SYT12: variants seen among roughly 807,000 people sequenced by gnomAD.
SYT12 encodes the protein synaptotagmin 12.
SYT12 carries 27 observed loss-of-function variants against 39.5 expected under a neutral mutation model. The observed-to-expected ratio is 0.68, with a 90% confidence interval of 0.50 to 0.94. The LOEUF is 0.94. SYT12 is among the 40% of genes least tolerant of loss of function. The pLI, the probability that SYT12 is intolerant of heterozygous loss-of-function variation, is 0.00. For synonymous variants in SYT12, 233 were observed against 239.7 expected, an observed-to-expected ratio of 0.97 and a Z score of 0.26; for missense variants, 536 against 572.6, an observed-to-expected ratio of 0.94 and a Z score of 0.65.
chr11:67,017,571 A>G (rs921389597), intron 3 of SYT12, among the ~76,000 whole-genome samples: 3 of 148,104 alleles, frequency 2.0e-5, no homozygotes, highest in Non-Finnish European at 4.5e-5. Context: ...ATTGTTGGCC[A>G]GGCTGGTCTC....
chr11:67,045,710 T>A, intron 6 of SYT12, 34 bp from the exon 7 acceptor site: 1 of 1,608,572 alleles, frequency 6.2e-7, no homozygotes, highest in South Asian at 1.1e-5. Context: ...TGAGTGAGTG[T>A]GACACTGGCC....
chr11:67,017,107 T>C (rs1329991808), intron 3 of SYT12, among the ~76,000 whole-genome samples: 1 of 152,174 alleles, frequency 6.6e-6, no homozygotes, highest in Non-Finnish European at 1.5e-5. Flanking sequence ...TGAGAACAGC[T>C]TCATCCCCAT....
intron 4 of SYT12, among the ~76,000 whole-genome samples, chr11:67,042,707 A>G (rs1950535415): frequency 6.6e-6 from 1 of 152,346 alleles, no homozygotes; most frequent in South Asian, 2.1e-4. Context: ...GAGCCAGATC[A>G]TGAAGAGCCT....
chr11:67,038,010 G>A (rs1282587340), intron 3 of SYT12, among the ~76,000 whole-genome samples: 2 of 147,078 alleles, frequency 1.4e-5, no homozygotes, highest in Admixed American at 1.4e-4. Flanking sequence ...AGCTGTGATC[G>A]CACTCCACCC....
chr11:67,027,157 C>G (rs932750888), intron 1 of SYT12: 1 of 152,540 alleles, frequency 6.6e-6, no homozygotes, highest in Admixed American at 6.6e-5. Flanking sequence ...GTTCTCTTCT[C>G]CCTCCACTCA....
At chr11:67,011,750 TTTGTTTG>T (rs1401482076) in intron 3 of SYT12, among the ~76,000 whole-genome samples, 2 of 151,914 alleles carry the variant, frequency 1.3e-5, no homozygotes, top group African/African-American at 4.8e-5. Context: ...GGTTTTGTTT[TTTGTTTG>T]TTGTTTGGTT....
chr11:67,043,513 C>A, intron 4 of SYT12, 125 bp from the exon 5 acceptor site: 1 of 855,776 alleles, frequency 1.2e-6, no homozygotes, highest in Non-Finnish European at 1.9e-6. Flanking sequence ...GAAAGATTGG[C>A]ATTGAGGGTG....
chr11:67,039,737 A>G, intron 3 of SYT12, 74 bp from the exon 4 acceptor site: 1 of 1,515,604 alleles, frequency 6.6e-7, no homozygotes, highest in Non-Finnish European at 8.8e-7. Context: ...GGCCTTACTC[A>G]TCTCTTTGCC....
Position 67,043,738 on chromosome 11 carries a change from G to T in SYT12, c.722G>T (p.Gly241Val), listed in dbSNP as rs371381298. Residue 241 changes from glycine (G) to valine (V), a missense_variant, in exon 5 of 8, where the codon GGC becomes GTC. Gly to Val is a moderately radical substitution (Grantham distance 109). Transcript: ENST00000527043. ...EEKSLRFSVF[G>V]IDEDERNVST... The stretch of plus-strand genomic sequence containing the variant: ...AAGAGCCTGCGGTTTTCTGTATTTG[G>T]CATCGATGAGGATGAGCGCAACGTC... 5 of 1,614,134 alleles carry T rather than the reference G, an allele frequency of 3.1e-6. No individual in the cohort carries two copies. Among genetic ancestry groups the T allele is most frequent in the Non-Finnish European group, 3.4e-6 (4 of 1,180,042 alleles).
intron 3 of SYT12, 63 bp from the exon 4 acceptor site, chr11:67,039,748 G>A (rs1400757187): frequency 3.9e-6 from 6 of 1,529,628 alleles, no homozygotes; most frequent in East Asian, 4.5e-5. Context: ...TCTCTTTGCC[G>A]TCTCCCAGTG....
chr11:67,031,927 A>T (rs995480086), intron 2 of SYT12: 5 of 152,222 alleles, frequency 3.3e-5, no homozygotes, highest in Non-Finnish European at 7.3e-5. Flanking sequence ...GACTCCCAGA[A>T]TACACCAAGC....
chr11:67,020,178 G>A (rs1178707759), upstream of SYT12, among the ~76,000 whole-genome samples: 6 of 152,168 alleles, frequency 3.9e-5, no homozygotes, highest in East Asian at 1.2e-3. Context: ...TCTGTAGGAT[G>A]TGATGCACAG....
chr11:67,023,665 G>T (rs1449143897), intron 1 of SYT12, among the ~76,000 whole-genome samples: 1 of 152,186 alleles, frequency 6.6e-6, no homozygotes, highest in East Asian at 1.9e-4. Flanking sequence ...GCCACTCCGC[G>T]CAGTGCGCAT....
At chr11:67,040,792 C>T (rs935726830) in intron 4 of SYT12, among the ~76,000 whole-genome samples, 6 of 151,784 alleles carry the variant, frequency 4.0e-5, no homozygotes, top group African/African-American at 9.7e-5. Context: ...GAGCCGAGAT[C>T]GTGCCACTGC....
At chr11:67,048,038 G>T (rs1347032236) in intron 7 of SYT12, among the ~76,000 whole-genome samples, 4 of 149,416 alleles carry the variant, frequency 2.7e-5, no homozygotes, top group Non-Finnish European at 4.5e-5. Context: ...TGATCCGCCC[G>T]CCTCGGCCTC....
Position 67,040,220 on chromosome 11 carries a change from G to A in SYT12, c.621+17G>A, listed in dbSNP as rs980839466. On this transcript the variant is annotated intron_variant, in intron 4 of 7. Transcript: ENST00000527043. The stretch of plus-strand genomic sequence containing the variant: ...ATTTCTCGGGTAAGTGGGGCTCAGG[G>A]CGGGGCAGAAGGGTGCTCTGGGCTC... 3.2e-6 allele frequency: 5 copies of A among 1,561,704 alleles called. No homozygotes were observed. The highest frequency in any genetic ancestry group is 4.3e-6 in the Non-Finnish European group (5 of 1,150,538).
At chr11:67,040,706 C>T (rs1281926971) in intron 4 of SYT12, among the ~76,000 whole-genome samples, 6 of 151,838 alleles carry the variant, frequency 4.0e-5, no homozygotes, top group Admixed American at 1.3e-4. Context: ...GGCGTGGTGG[C>T]GGGCACCTGT....
At chr11:67,033,428 A>G (rs1332525258) in intron 2 of SYT12, among the ~76,000 whole-genome samples, 1 of 152,178 alleles carries the variant, frequency 6.6e-6, no homozygotes, top group African/African-American at 2.4e-5. Flanking sequence ...ACCCATGCCC[A>G]TAGGCTGCTG....
rs771322761 is a variant in SYT12 at position 67,045,667 on chromosome 11, C to A, written c.959-77C>A. ...AGTTAAGCATTGGGGAGTTTGGAGT[C>A]GGTGGGTGGAGCCAAACTGGGCAGG... On this transcript the variant is annotated intron_variant, in intron 6 of 7. Coordinates refer to ENST00000527043, the MANE Select transcript of SYT12 (RefSeq NM_177963.4). The A allele has an allele frequency of 3.2e-6, 5 of 1,566,642 alleles. No homozygotes were observed. In the African/African-American group the frequency reaches 4.1e-5, roughly 13 times the overall value.
Sources: gnomAD v4.1 joint callset for allele counts (sites outside exome capture counted in the v4.1 genomes callset) on GRCh38, gnomAD v4.1.1 for gene constraint, MANE v1.5 for transcripts, NCBI Gene and HGNC (gene_info 2026-07-23, HGNC 2026-07-21) for gene names.